Variants in PRKN observed in about 807,000 individuals in gnomAD.
The protein encoded by PRKN is parkin RBR E3 ubiquitin protein ligase.
Under a neutral mutation model 59.5 loss-of-function variants are expected in PRKN, and 56 were observed. That is an observed-to-expected ratio of 0.94 (90% CI 0.76 to 1.18). The LOEUF (loss-of-function observed/expected upper bound fraction) is 1.18. Among genes scored for constraint, PRKN ranks in the 50% most tolerant of loss-of-function variants. The pLI, the probability that PRKN is intolerant of heterozygous loss-of-function variation, is 0.00. For missense variants in PRKN, 657 were observed against 596.4 expected (o/e 1.10, Z -1.06); for synonymous variants, 250 against 222.1 (o/e 1.13, Z -1.12).
At chr6:161,662,792 AG>A (rs1420014536) in intron 7 of PRKN, among the ~76,000 whole-genome samples, 1 of 152,120 alleles carries the variant, frequency 6.6e-6, no homozygotes, top group Non-Finnish European at 1.5e-5. Flanking sequence ...TATTTTATGG[AG>A]CACCCACAGC....
intron 2 of PRKN, among the ~76,000 whole-genome samples, chr6:162,425,644 AT>A (rs760360268): frequency 6.6e-6 from 1 of 152,200 alleles, no homozygotes; most frequent in Non-Finnish European, 1.5e-5. Flanking sequence ...AACTATGAAT[AT>A]ACAACTAAGG....
chr6:162,626,218 T>C (rs561574078), intron 1 of PRKN, among the ~76,000 whole-genome samples: 318 of 152,346 alleles, frequency 2.1e-3, no homozygotes, highest in Non-Finnish European at 3.7e-3. Flanking sequence ...ACCACTGTTA[T>C]GTTCTTTCAT....
chr6:161,516,373 A>C (rs2115345521), intron 9 of PRKN, among the ~76,000 whole-genome samples: 1 of 147,756 alleles, frequency 6.8e-6, no homozygotes, highest in East Asian at 2.2e-4. Context: ...AGGCTAAGGT[A>C]GGAGAATTGA....
At chr6:161,673,955 G>C (rs1235116101) in intron 7 of PRKN, among the ~76,000 whole-genome samples, 1 of 152,218 alleles carries the variant, frequency 6.6e-6, no homozygotes, top group Non-Finnish European at 1.5e-5. Flanking sequence ...CTATGGGGAA[G>C]TCAGGGTGGC....
At chr6:162,331,214 G>C (rs2128124840) in intron 2 of PRKN, among the ~76,000 whole-genome samples, 1 of 151,184 alleles carries the variant, frequency 6.6e-6, no homozygotes, top group South Asian at 2.1e-4. Context: ...AGAAGCACAA[G>C]GATGATCTGT....
intron 1 of PRKN, among the ~76,000 whole-genome samples, chr6:162,566,159 C>A (rs538159116): frequency 6.6e-6 from 1 of 152,204 alleles, no homozygotes; most frequent in South Asian, 2.1e-4. Context: ...CAGTACCCCA[C>A]TTTCAGAACT....
intron 6 of PRKN, among the ~76,000 whole-genome samples, chr6:161,887,860 T>A (rs7449540): frequency 0.56 from 85,485 of 152,040 alleles, 24,937 homozygotes; most frequent in African/African-American, 0.72. Flanking sequence ...ATCTTTTTTA[T>A]AAAAGGAAGT....
chr6:162,707,789 G>C (rs1174607837), intron 1 of PRKN, among the ~76,000 whole-genome samples: 1 of 152,138 alleles, frequency 6.6e-6, no homozygotes, highest in African/African-American at 2.4e-5. Flanking sequence ...TGGCCAAGCT[G>C]GTCTCGATCA....
intron 1 of PRKN, chr6:162,568,529 C>A: frequency 1.4e-6 from 1 of 740,340 alleles, no homozygotes. Flanking sequence ...TGCTGAGCCT[C>A]CTTAACCTGG....
In PRKN at chr6:161,466,136, T is replaced by C. The variant is rs994562459; in HGVS notation, c.1084-79259A>G. 2.0e-5 allele frequency among the ~76,000 whole-genome samples: 3 copies of C among 152,086 alleles called. No homozygotes were observed. The highest frequency in any genetic ancestry group is 7.2e-5 in the African/African-American group (3 of 41,410). On this transcript the variant is annotated intron_variant, in intron 9 of 11. Transcript: ENST00000366898. This position sits in a 1 kb window ranked among gnomAD's most constrained non-coding sequence, Gnocchi z 5.0. ...GTCTTAGCACATTTCAAGTACACAA[T>C]ACAACATTATTAACTCTAGTCACCA...
intron 4 of PRKN, among the ~76,000 whole-genome samples, chr6:162,145,789 A>T (rs1294083270): frequency 6.6e-6 from 1 of 152,178 alleles, no homozygotes; most frequent in East Asian, 1.9e-4. Flanking sequence ...ATCAGGCTGA[A>T]GTGAAGTTAC....
At chr6:161,779,628 A>C (rs529505503) in intron 7 of PRKN, among the ~76,000 whole-genome samples, 1 of 151,212 alleles carries the variant, frequency 6.6e-6, no homozygotes, top group Admixed American at 6.6e-5. Context: ...TATTTTTAGT[A>C]GAGACAGGGT....
At chr6:161,929,699 T>C (rs1779099792) in intron 6 of PRKN, among the ~76,000 whole-genome samples, 1 of 151,906 alleles carries the variant, frequency 6.6e-6, no homozygotes, top group South Asian at 2.1e-4. Context: ...AATTTTTTAG[T>C]AGAAACGGGG....
At chr6:162,313,518 G>A (rs575778220) in intron 2 of PRKN, among the ~76,000 whole-genome samples, 1 of 151,396 alleles carries the variant, frequency 6.6e-6, no homozygotes, top group Non-Finnish European at 1.5e-5. Flanking sequence ...ATGTAGTTTT[G>A]CTCTTGTTCC....
intron 1 of PRKN, among the ~76,000 whole-genome samples, chr6:162,682,930 T>C (rs563294373): frequency 3.9e-5 from 6 of 152,308 alleles, no homozygotes; most frequent in Non-Finnish European, 5.9e-5. Context: ...AAATAAGGTA[T>C]ACAGCTTATA....
chr6:162,095,693 T>C (rs1779694416), intron 4 of PRKN, among the ~76,000 whole-genome samples: 2 of 152,184 alleles, frequency 1.3e-5, no homozygotes, highest in African/African-American at 2.4e-5. Context: ...TCAGGAGGTA[T>C]ACTGATGCAA....
intron 6 of PRKN, among the ~76,000 whole-genome samples, chr6:161,830,407 A>G (rs1792444068): frequency 6.6e-6 from 1 of 152,034 alleles, no homozygotes; most frequent in African/African-American, 2.4e-5. Flanking sequence ...GCCCGCCACC[A>G]TGCCGAGCTA....
intron 2 of PRKN, among the ~76,000 whole-genome samples, chr6:162,337,881 G>GTATACAAGAGAGTA (rs1277339526): frequency 1.3e-5 from 2 of 152,018 alleles, no homozygotes; most frequent in African/African-American, 4.8e-5. Context: ...AGTATTACAA[G>GTATACAAGAGAGTA]TAACAAACTA....
At chr6:162,133,289 G>C (rs1781444431) in intron 4 of PRKN, among the ~76,000 whole-genome samples, 1 of 152,190 alleles carries the variant, frequency 6.6e-6, no homozygotes, top group African/African-American at 2.4e-5. Flanking sequence ...TCGGATTCAA[G>C]GTCTAGCTGG....
Sources: allele counts gnomAD v4.1 joint callset (sites outside exome capture counted in the v4.1 genomes callset), GRCh38; gene constraint gnomAD v4.1.1; non-coding constraint Gnocchi (gnomAD v3.1); transcripts MANE v1.5; gene names NCBI Gene and HGNC (gene_info 2026-07-23, HGNC 2026-07-21).